HSPA4L: variants seen among roughly 807,000 people sequenced by gnomAD.
HSPA4L encodes heat shock protein family A (Hsp70) member 4 like.
In HSPA4L, 48 loss-of-function variants were observed where a neutral mutation model predicts 100.3. The observed-to-expected ratio is 0.48, with a 90% CI of 0.38 to 0.61. The LOEUF (loss-of-function observed/expected upper bound fraction) is 0.61. Among genes scored for constraint, HSPA4L ranks in the 20% least tolerant of loss-of-function variants. HSPA4L has a pLI of 0.00. For missense variants in HSPA4L, 886 were observed against 988.6 expected (o/e 0.90, Z 1.39); for synonymous variants, 319 against 328.2 (o/e 0.97, Z 0.30).
At chr4:127,813,696 G>A (rs1361138750) in intron 12 of HSPA4L, among the ~76,000 whole-genome samples, 1 of 152,182 alleles carries the variant, frequency 6.6e-6, no homozygotes, top group Non-Finnish European at 1.5e-5. Flanking sequence ...AGGCTGGAGT[G>A]CAGTGGCACA....
intron 11 of HSPA4L, among the ~76,000 whole-genome samples, chr4:127,811,065 CTA>C (rs1195040461): frequency 6.6e-6 from 1 of 151,978 alleles, no homozygotes; most frequent in Admixed American, 6.6e-5. Context: ...CAAAAAAAAT[CTA>C]TTTTGTTTTC....
Position 127,837,523 on chromosome 4 carries a change from C to T in HSPA4L, c.*4649C>T, listed in dbSNP as rs1734238076. 6.6e-6 allele frequency: 1 copy of T among 152,172 alleles called. No homozygotes were observed. Among genetic ancestry groups the T allele is most frequent in the Non-Finnish European group, 1.5e-5 (1 of 68,032 alleles). The allele number at this position is 152,172 out of a possible 1,614,324, so 9.4% of individuals were successfully genotyped here. ...AGTATGTTTTGCAAAAATCAGTCCA[C>T]TTAGCAAACTAATCTTTGTAAAGCA... On this transcript the variant is annotated 3_prime_UTR_variant, in exon 19 of 19. Transcript: ENST00000296464.
Position 127,834,530 on chromosome 4 carries a change from A to AAT in HSPA4L, c.*1661_*1662dup, listed in dbSNP as rs752285892. On this transcript the variant is annotated 3_prime_UTR_variant, in exon 19 of 19. Coordinates refer to ENST00000296464, the MANE Select transcript of HSPA4L (RefSeq NM_014278.4). ...TTGCATTAAAAAATCATATAAACTT[A>AAT]ATATATTTTTAAACTCTCCTAGTCT... 2 of 152,152 alleles carry AAT rather than the reference A, an allele frequency of 1.3e-5. No homozygotes were observed. The highest frequency in any genetic ancestry group is 2.9e-5 in the Non-Finnish European group (2 of 68,004). The allele number at this position is 152,152 out of a possible 1,614,324, so 9.4% of individuals were successfully genotyped here. A position where few individuals can be genotyped will look rare whatever the true frequency, so the allele number is the denominator to read the frequency against.
At chr4:127,810,699 A>G (rs936421599) in intron 11 of HSPA4L, among the ~76,000 whole-genome samples, 3 of 152,184 alleles carry the variant, frequency 2.0e-5, no homozygotes, top group African/African-American at 4.8e-5. Context: ...TTGAGGCTGC[A>G]GTGACCTATG....
chr4:127,788,434 A>G lies in HSPA4L; in HGVS notation c.108-5643A>G, dbSNP rs1021834324. Among the ~76,000 whole-genome samples the G allele has an allele frequency of 2.6e-5, 4 of 152,318 alleles. No individual in the cohort carries two copies. The East Asian group carries it at 7.7e-4, about 29-fold the overall frequency. ...TCTTCCCCCTCCCCCTTCTAGGGCA[A>G]CATTTTTTCCAAATAATTTGAGAAA... On this transcript the variant is annotated intron_variant, in intron 1 of 18. Coordinates refer to ENST00000296464, the MANE Select transcript of HSPA4L (RefSeq NM_014278.4).
intron 16 of HSPA4L, among the ~76,000 whole-genome samples, chr4:127,826,246 A>T (rs1423666842): frequency 6.6e-6 from 1 of 152,116 alleles, no homozygotes; most frequent in Non-Finnish European, 1.5e-5. Context: ...CATCTCTACA[A>T]AAAAATAAAT....
At chr4:127,799,571 A>G (rs886609582) in intron 4 of HSPA4L, among the ~76,000 whole-genome samples, 8 of 152,222 alleles carry the variant, frequency 5.3e-5, no homozygotes, top group African/African-American at 1.9e-4. Flanking sequence ...TCCCAAGCCC[A>G]TGCTCATAAT....
Position 127,836,914 on chromosome 4 carries a change from A to C in HSPA4L, c.*4040A>C, listed in dbSNP as rs1215605546. 6.6e-6 allele frequency: 1 copy of C among 152,114 alleles called. No individual in the cohort carries two copies. Among genetic ancestry groups the C allele is most frequent in the South Asian group, 2.1e-4 (1 of 4,802 alleles). The allele number at this position is 152,114 out of a possible 1,614,324, so 9.4% of individuals were successfully genotyped here. On this transcript the variant is annotated 3_prime_UTR_variant, in exon 19 of 19. Transcript: ENST00000296464. The stretch of plus-strand genomic sequence containing the variant: ...ATTCTTAAGTTATTGGTAAAATATA[A>C]CTTTCTCAGTTTTTAAAAGTTTACA...
chr4:127,820,279 C>G lies in HSPA4L; in HGVS notation c.1675-149C>G, dbSNP rs571569051. 57 of 590,408 alleles carry G rather than the reference C, an allele frequency of 9.7e-5. No homozygotes were observed. The East Asian group carries it at 1.3e-3, about 13-fold the overall frequency. 36.6% of individuals were successfully genotyped at this position (590,408 alleles called of 1,614,324 possible). Reference sequence around the variant, plus strand: ...AATATAGAAACTAGGATTTAACATACACAGACTACAAAATAACATCAGTCT... The same window carrying G: ...AATATAGAAACTAGGATTTAACATAGACAGACTACAAAATAACATCAGTCT... On this transcript the variant is annotated intron_variant, in intron 13 of 18. Coordinates refer to ENST00000296464, the MANE Select transcript of HSPA4L (RefSeq NM_014278.4).
At position 127,838,442 on chromosome 4, in the gene HSPA4L, A is replaced by C. The variant is rs918694627; in HGVS notation, c.*5568A>C. 1.3e-5 allele frequency: 2 copies of C among 152,220 alleles called. No homozygotes were observed. The highest frequency in any genetic ancestry group is 2.9e-5 in the Non-Finnish European group (2 of 68,034). The allele number at this position is 152,220 out of a possible 1,614,324, so 9.4% of individuals were successfully genotyped here. Reference sequence around the variant, plus strand: ...TTGGAGCTCTCCAGTCAAAGAAACAAAGCTAATTGAAATAATGTACATTTG... The same window carrying C: ...TTGGAGCTCTCCAGTCAAAGAAACACAGCTAATTGAAATAATGTACATTTG... On this transcript the variant is annotated 3_prime_UTR_variant, in exon 19 of 19. Coordinates refer to ENST00000296464, the MANE Select transcript of HSPA4L (RefSeq NM_014278.4).
chr4:127,801,893 G>C lies in HSPA4L; in HGVS notation c.638G>C (p.Cys213Ser). ...MGHSAYQVLV[C>S]AFNKGKLKVL... ...CATTCTGCCTATCAGGTCTTGGTTT[G>C]TGCTTTTAACAAAGGAAAACTTAAA... The change falls in exon 6 of 19, where the codon TGT becomes TCT. Residue 213 changes from cysteine to serine, a missense_variant. Coordinates refer to ENST00000296464, the MANE Select transcript of HSPA4L (RefSeq NM_014278.4). 1 of 1,603,430 alleles carries C rather than the reference G, an allele frequency of 6.2e-7. No individual in the cohort carries two copies. Among genetic ancestry groups the C allele is most frequent in the Non-Finnish European group, 8.5e-7 (1 of 1,175,586 alleles).
intron 9 of HSPA4L, 50 bp downstream of exon 9, chr4:127,805,274 T>A (rs758201918): frequency 6.9e-7 from 1 of 1,452,560 alleles, no homozygotes; most frequent in Admixed American, 2.0e-5. Flanking sequence ...CAGAAATGAG[T>A]GATAGATCCA....
At position 127,782,358 on chromosome 4, in the gene HSPA4L, G is replaced by C. The variant is rs902446293; in HGVS notation, c.-193G>C. ...ACCCAGGCTGCGGGACGCGGTGCAG[G>C]CTGCGGCGCTGACGGCCTCTGCTCC... On this transcript the variant is annotated 5_prime_UTR_variant, in exon 1 of 19. Transcript: ENST00000296464. The C allele has an allele frequency of 1.3e-4, 77 of 577,798 alleles. No individual in the cohort carries two copies. The highest frequency in any genetic ancestry group is 3.8e-4 in the South Asian group (19 of 49,838). 35.8% of individuals were successfully genotyped at this position (577,798 alleles called of 1,614,324 possible).
Position 127,827,317 on chromosome 4 carries a change from C to A in HSPA4L, c.2059C>A (p.Pro687Thr). 1 of 1,609,934 alleles carries A rather than the reference C, an allele frequency of 6.2e-7. No homozygotes were observed. ...KLQELKKYGQ[P>T]IQMKYMEHEE... Reference sequence around the variant, plus strand: ...CTTATGTTAACAGAAATACGGCCAGCCTATTCAAATGAAGTACATGGAGCA... The same window carrying A: ...CTTATGTTAACAGAAATACGGCCAGACTATTCAAATGAAGTACATGGAGCA... The change falls in exon 17 of 19, where the codon CCT becomes ACT. Residue 687 changes from proline to threonine, a missense_variant. By Grantham distance (38) the Pro-to-Thr change is conservative. Transcript: ENST00000296464.
chr4:127,812,694 TTTA>T, intron 12 of HSPA4L: 2 of 826,094 alleles, frequency 2.4e-6, no homozygotes, highest in Non-Finnish European at 4.0e-6. Context: ...CCAGAGGTCC[TTTA>T]TTTTTTTTTT....
rs1028647104 is a variant in HSPA4L at position 127,822,852 on chromosome 4, A to G, written c.1896A>G (p.Arg632=). The change falls in exon 15 of 19, where the codon AGA becomes AGG. Residue 632 remains arginine (R), a synonymous_variant. Coordinates refer to ENST00000296464, the MANE Select transcript of HSPA4L (RefSeq NM_014278.4). ...NAVEEYVYDF[R]DRLGTVYEKF... ...TTGAAGAATATGTATATGATTTTAGAGACAGGCTGGGCACTGTCTATGAAA... is the reference window on the plus strand; with the variant it reads ...TTGAAGAATATGTATATGATTTTAGGGACAGGCTGGGCACTGTCTATGAAA... The G allele has an allele frequency of 6.2e-7, 1 of 1,613,838 alleles. No individual in the cohort carries two copies. Among genetic ancestry groups the G allele is most frequent in the Non-Finnish European group, 8.5e-7 (1 of 1,179,810 alleles).
intron 10 of HSPA4L, 87 bp downstream of exon 10, chr4:127,805,880 T>C (rs1733342394): frequency 2.7e-6 from 2 of 751,220 alleles, no homozygotes; most frequent in Non-Finnish European, 4.2e-6. Context: ...AAATTTACGC[T>C]TCTTAAAATT....
chr4:127,823,799 C>CA (rs1733876138), intron 16 of HSPA4L, among the ~76,000 whole-genome samples, 175 bp downstream of exon 16: 1 of 152,122 alleles, frequency 6.6e-6, no homozygotes, highest in African/African-American at 2.4e-5. Context: ...ATGGCTAAGT[C>CA]AAACTATTTA....
chr4:127,813,458 CTTTA>C (rs916098699), intron 12 of HSPA4L: 24 of 326,988 alleles, frequency 7.3e-5, no homozygotes, highest in Middle Eastern at 8.8e-4. Context: ...GAGGAAATGT[CTTTA>C]TTTGTTAGTG....
Sources: gnomAD v4.1 joint callset for allele counts (sites outside exome capture counted in the v4.1 genomes callset) on GRCh38, gnomAD v4.1.1 for gene constraint, MANE v1.5 for transcripts, NCBI Gene and HGNC (gene_info 2026-07-23, HGNC 2026-07-21) for gene names.